The following DPF3 variants were observed in gnomAD, a reference collection of about 807,000 sequenced individuals.
The protein encoded by DPF3 is double PHD fingers 3.
DPF3 carries 18 observed loss-of-function variants against 56.8 expected under a neutral mutation model. The observed-to-expected ratio is 0.32, with a 90% CI of 0.22 to 0.47. The LOEUF (loss-of-function observed/expected upper bound fraction) is 0.47. Ranked by LOEUF, DPF3 falls within the 20% of genes least tolerant of loss-of-function variation. DPF3 has a pLI of 1.00. For synonymous variants in DPF3, 188 were observed against 180.2 expected (o/e 1.04, Z -0.35); for missense variants, 403 against 488.8 (o/e 0.82, Z 1.65).
Position 72,662,161 on chromosome 14 carries a change from A to C in DPF3, c.871+12079T>G. ...TAGACTTTTGAAGGAGGAAAAAAAA[A>C]CTGAGCACTCCTCACTTACCACATC... On this transcript the variant is annotated intron_variant, in intron 8 of 10. Transcript: ENST00000556509. The C allele has an allele frequency of 5.1e-6, 5 of 985,382 alleles. No individual in the cohort carries two copies. The South Asian group carries it at 2.3e-4, about 46-fold the overall frequency. The allele number at this position is 985,382 out of a possible 1,614,324, so 61.0% of individuals were successfully genotyped here.
chr14:72,791,716 G>C (rs1190745068), intron 1 of DPF3, among the ~76,000 whole-genome samples: 1 of 152,242 alleles, frequency 6.6e-6, no homozygotes, highest in African/African-American at 2.4e-5. Flanking sequence ...TCACTTTCAT[G>C]TTAAAAGACG....
At chr14:72,887,656 A>G (rs561476454) in intron 1 of DPF3, among the ~76,000 whole-genome samples, 28 of 147,784 alleles carry the variant, frequency 1.9e-4, no homozygotes, top group Non-Finnish European at 3.0e-4. Context: ...GAATCAAAGT[A>G]CATCACCATC....
intron 1 of DPF3, among the ~76,000 whole-genome samples, chr14:72,835,153 C>T (rs939507687): frequency 8.5e-5 from 13 of 152,104 alleles, no homozygotes; most frequent in Non-Finnish European, 1.8e-4. Flanking sequence ...CTGCAACCAC[C>T]GCCTCCCGGG....
chr14:72,670,110 A>T, intron 8 of DPF3: 1 of 985,910 alleles, frequency 1.0e-6, no homozygotes, highest in Non-Finnish European at 1.2e-6. Context: ...ACTATAAAAA[A>T]AAATAGAAGA....
Position 72,617,486 on chromosome 14 carries a change from A to C in DPF3, c.*1811T>G, listed in dbSNP as rs2153565485. On this transcript the variant is annotated 3_prime_UTR_variant, in exon 11 of 11. Coordinates refer to ENST00000556509, the MANE Select transcript of DPF3 (RefSeq NM_001280542.3). Reference sequence around the variant, plus strand: ...AGCTCACCGACCAGCAGGCGGAAGGAAATTACTTATGAGGAAGATGAAAAT... The same window carrying C: ...AGCTCACCGACCAGCAGGCGGAAGGCAATTACTTATGAGGAAGATGAAAAT... Among the ~76,000 whole-genome samples the C allele has an allele frequency of 6.6e-6, 1 of 152,176 alleles. No homozygotes were observed. Among genetic ancestry groups the C allele is most frequent in the South Asian group, 2.1e-4 (1 of 4,820 alleles).
intron 2 of DPF3, among the ~76,000 whole-genome samples, chr14:72,755,633 T>A (rs185336749): frequency 6.6e-6 from 1 of 152,290 alleles, no homozygotes; most frequent in East Asian, 1.9e-4. Flanking sequence ...TGTCAGTTGT[T>A]AATTGTCATG....
At chr14:72,690,560 G>A (rs539702601) in intron 7 of DPF3, among the ~76,000 whole-genome samples, 10 of 149,184 alleles carry the variant, frequency 6.7e-5, no homozygotes, top group Admixed American at 3.3e-4. Flanking sequence ...ACACATGCAC[G>A]CACACACACA....
Position 72,879,428 on chromosome 14 carries a change from C to A in DPF3, c.32+14629G>T, listed in dbSNP as rs548266132. Among the ~76,000 whole-genome samples the A allele has an allele frequency of 3.6e-4, 55 of 152,016 alleles. 1 individual carries two copies. The highest frequency in any genetic ancestry group is 4.4e-5 in the Non-Finnish European group (3 of 67,978). ...AAGGCATATGTGGCTACTGTCCCTG[C>A]CTTCCACGCCCTTACTGCTAACTAA... is the stretch of plus-strand genomic sequence containing the variant. On this transcript the variant is annotated intron_variant, in intron 1 of 10. Transcript: ENST00000556509.
chr14:72,725,411 G>GC (rs1889362859), intron 4 of DPF3, among the ~76,000 whole-genome samples: 1 of 152,092 alleles, frequency 6.6e-6, no homozygotes, highest in African/African-American at 2.4e-5. Context: ...GCAAAGACTG[G>GC]CCTTGTGAAT....
chr14:72,741,350 T>C (rs1451126805), intron 3 of DPF3, among the ~76,000 whole-genome samples: 6 of 152,186 alleles, frequency 3.9e-5, no homozygotes. Context: ...GGTTAGGAAA[T>C]TGTCCAAAAT....
intron 1 of DPF3, among the ~76,000 whole-genome samples, chr14:72,787,111 G>A (rs1376187846): frequency 6.6e-6 from 1 of 152,214 alleles, no homozygotes; most frequent in Non-Finnish European, 1.5e-5. Flanking sequence ...AGAACCCTCA[G>A]GAACAGCCAG....
In DPF3 at chr14:72,674,347, G is replaced by T; in HGVS notation, c.764C>A (p.Thr255Lys). Reference sequence around the variant, plus strand: ...GTCACAGTAGTTATTGGGAATGACTGTTCCATCCGGTCCTTTCTGGGCTGT... The same window carrying T: ...GTCACAGTAGTTATTGGGAATGACTTTTCCATCCGGTCCTTTCTGGGCTGT... ...NHRPQKGPDG[T>K]VIPNNYCDFC... Residue 255 changes from threonine to lysine, a missense_variant, in exon 8 of 11, where the codon ACA (threonine) becomes AAA (lysine). Thr to Lys is a moderately conservative substitution (Grantham distance 78, BLOSUM62 -1). Coordinates refer to ENST00000556509, the MANE Select transcript of DPF3 (RefSeq NM_001280542.3). 1.9e-6 allele frequency: 3 copies of T among 1,612,854 alleles called. No individual in the cohort carries two copies. The South Asian group carries it at 3.3e-5, about 18-fold the overall frequency.
chr14:72,854,818 G>C (rs1195763245), intron 1 of DPF3, among the ~76,000 whole-genome samples: 1 of 152,122 alleles, frequency 6.6e-6, no homozygotes, highest in Non-Finnish European at 1.5e-5. Flanking sequence ...GTTACTTACT[G>C]CCCACACTTC....
intron 1 of DPF3, among the ~76,000 whole-genome samples, chr14:72,791,980 T>TA (rs1165944918): frequency 6.6e-6 from 1 of 152,092 alleles, no homozygotes; most frequent in Non-Finnish European, 1.5e-5. Context: ...ACAGTTAGGA[T>TA]AAAGGGCACA....
intron 2 of DPF3, among the ~76,000 whole-genome samples, chr14:72,766,079 C>G (rs894857115): frequency 6.6e-6 from 1 of 152,130 alleles, no homozygotes; most frequent in South Asian, 2.1e-4. Context: ...TGTTCATTAT[C>G]TTGATTGTGG....
intron 8 of DPF3, among the ~76,000 whole-genome samples, chr14:72,651,137 GTAA>G (rs915102885): frequency 4.5e-4 from 68 of 152,226 alleles, no homozygotes; most frequent in Admixed American, 1.3e-4. Context: ...AGCTAGAACT[GTAA>G]CCAGGTCTCC....
intron 1 of DPF3, among the ~76,000 whole-genome samples, chr14:72,808,597 C>G (rs1882894603): frequency 6.6e-6 from 1 of 152,082 alleles, no homozygotes; most frequent in Non-Finnish European, 1.5e-5. Flanking sequence ...GAAAATAGTT[C>G]GCCATTTACT....
At chr14:72,805,051 GAC>G (rs138162317) in intron 1 of DPF3, among the ~76,000 whole-genome samples, 1 of 146,354 alleles carries the variant, frequency 6.8e-6, no homozygotes, top group Non-Finnish European at 1.5e-5. Context: ...CACAGCCCTG[GAC>G]ACACACACAC....
At chr14:72,706,494 T>C (rs1888408690) in intron 6 of DPF3, among the ~76,000 whole-genome samples, 1 of 152,212 alleles carries the variant, frequency 6.6e-6, no homozygotes, top group Admixed American at 6.5e-5. Context: ...CAAAGCTTTT[T>C]ACATACATCA....
Sources: gnomAD v4.1 joint callset for allele counts (sites outside exome capture counted in the v4.1 genomes callset) on GRCh38, gnomAD v4.1.1 for gene constraint, MANE v1.5 for transcripts, NCBI Gene and HGNC (gene_info 2026-07-23, HGNC 2026-07-21) for gene names.